UTRN: variants seen among roughly 807,000 people sequenced by gnomAD.
UTRN encodes the protein dystrophin-related protein 1.
Under a neutral mutation model 463.9 loss-of-function variants are expected in UTRN, and 283 were observed. The observed-to-expected ratio is 0.61, with a 90% CI of 0.55 to 0.67. The LOEUF (loss-of-function observed/expected upper bound fraction) is 0.67, where lower values mean the gene tolerates loss of function less well. Ranked by LOEUF, UTRN falls within the 30% of genes least tolerant of loss-of-function variation. UTRN has a pLI of 0.00. For synonymous variants in UTRN, 1,442 were observed against 1,431.5 expected, an observed-to-expected ratio of 1.01 and a Z score of -0.17; for missense variants, 3,922 against 4,084.3, an observed-to-expected ratio of 0.96 and a Z score of 1.08.
chr6:144,289,524 G>T (rs1804021368), intron 1 of UTRN, among the ~76,000 whole-genome samples: 1 of 152,042 alleles, frequency 6.6e-6, no homozygotes, highest in Non-Finnish European at 1.5e-5. Context: ...GTCTCACCAT[G>T]TTGCCTAGGC....
intron 2 of UTRN, among the ~76,000 whole-genome samples, chr6:144,398,914 T>C (rs1470315918): frequency 1.3e-5 from 2 of 152,230 alleles, no homozygotes; most frequent in Non-Finnish European, 2.9e-5. Context: ...TGAAACTCTG[T>C]TTTAAATGCG....
chr6:144,743,154 A>G (rs11970511), intron 54 of UTRN, among the ~76,000 whole-genome samples: 4,911 of 152,344 alleles, frequency 0.032, 264 homozygotes, highest in African/African-American at 0.11. Flanking sequence ...TATACTGAGG[A>G]CATACCAATC....
intron 51 of UTRN, among the ~76,000 whole-genome samples, chr6:144,639,826 A>G (rs1006339617): frequency 6.6e-6 from 1 of 152,160 alleles, no homozygotes; most frequent in African/African-American, 2.4e-5. Context: ...GAGGGGCATT[A>G]ACAAAGCTTT....
intron 51 of UTRN, among the ~76,000 whole-genome samples, chr6:144,594,794 A>G (rs1475949590): frequency 1.3e-5 from 2 of 152,106 alleles, no homozygotes; most frequent in African/African-American, 2.4e-5. Flanking sequence ...TTCCCACCGC[A>G]CTGCCCCAGC....
intron 51 of UTRN, among the ~76,000 whole-genome samples, chr6:144,622,455 G>T (rs1775524296): frequency 6.6e-6 from 1 of 151,890 alleles, no homozygotes; most frequent in Non-Finnish European, 1.5e-5. Context: ...CTGAAGTGCT[G>T]GGATTACAGG....
chr6:144,448,743 C>T lies in UTRN; in HGVS notation c.2046C>T (p.Ile682=), dbSNP rs756378545. 1.9e-6 allele frequency: 3 copies of T among 1,613,666 alleles called. No individual in the cohort carries two copies. In the South Asian group the frequency reaches 3.3e-5, roughly 18 times the overall value. ...PPPPPPKKRQ[I]HVDIEAKKKF... is the part of the protein sequence containing the mutation. ...CTCCTCCCCCAAAGAAGAGACAGATCCATGTGGATATTGAAGCTAAGAAAA... is the reference window on the plus strand; with the variant it reads ...CTCCTCCCCCAAAGAAGAGACAGATTCATGTGGATATTGAAGCTAAGAAAA... Residue 682 remains isoleucine, a synonymous_variant, in exon 17 of 75, where the codon ATC becomes ATT. Coordinates refer to ENST00000367545, the MANE Select transcript of UTRN (RefSeq NM_007124.3).
chr6:144,430,288 G>T (rs997850589), intron 9 of UTRN, among the ~76,000 whole-genome samples: 20 of 152,052 alleles, frequency 1.3e-4, no homozygotes, highest in African/African-American at 4.6e-4. Context: ...GGATATAAAT[G>T]AATTTTTAAA....
chr6:144,805,577 C>T (rs1043152319), intron 65 of UTRN, among the ~76,000 whole-genome samples: 3 of 152,130 alleles, frequency 2.0e-5, no homozygotes, highest in Non-Finnish European at 2.9e-5. Context: ...CCCCAAGGGG[C>T]GCATGGAAAG....
intron 65 of UTRN, among the ~76,000 whole-genome samples, chr6:144,819,910 T>TCCTCCTCCTCCC (rs1562949034): frequency 1.3e-5 from 1 of 79,876 alleles, no homozygotes; most frequent in Non-Finnish European, 2.3e-5. Flanking sequence ...CTCCTCCTCC[T>TCCTCCTCCTCCC]CCTCTCTCTC....
chr6:144,805,525 A>G (rs1375688841), intron 65 of UTRN, among the ~76,000 whole-genome samples: 1 of 152,162 alleles, frequency 6.6e-6, no homozygotes, highest in East Asian at 1.9e-4. Context: ...CTGAGTTGGG[A>G]AAAAGGTTAG....
At chr6:144,710,248 A>G (rs1785536305) in intron 53 of UTRN, among the ~76,000 whole-genome samples, 1 of 152,238 alleles carries the variant, frequency 6.6e-6, no homozygotes, top group African/African-American at 2.4e-5. Context: ...TATAAAAAAC[A>G]GAAAACCAAA....
Position 144,732,241 on chromosome 6 carries a change from T to TATATATATATATATATATACAC in UTRN, c.7939+1772_7939+1773insTACACATATATATATATATATA, listed in dbSNP as rs1562832431. The stretch of plus-strand genomic sequence containing the variant: ...ATATATATATATATATATATATACA[T>TATATATATATATATATATACAC]ATATATATATATATATACACACATA... On this transcript the variant is annotated intron_variant, in intron 54 of 74. Transcript: ENST00000367545. Among the ~76,000 whole-genome samples the TATATATATATATATATATACAC allele has an allele frequency of 1.3e-4, 3 of 23,906 alleles. No homozygotes were observed. In the South Asian group the frequency reaches 2.9e-3, roughly 23 times the overall value. The allele number at this position is 23,906 out of a possible 152,430, so 15.7% of individuals were successfully genotyped here.
chr6:144,596,662 T>C (rs1803675721), intron 51 of UTRN, among the ~76,000 whole-genome samples: 1 of 152,230 alleles, frequency 6.6e-6, no homozygotes, highest in African/African-American at 2.4e-5. Context: ...TAATGAAATG[T>C]ATCTCTTTAG....
intron 52 of UTRN, among the ~76,000 whole-genome samples, chr6:144,691,351 A>G (rs755189913): frequency 2.6e-5 from 4 of 152,214 alleles, no homozygotes; most frequent in Non-Finnish European, 5.9e-5. Context: ...TCCTGGCCTC[A>G]AGTGATCCAC....
At chr6:144,529,200 G>T (rs1796826954) in intron 41 of UTRN, among the ~76,000 whole-genome samples, 1 of 152,192 alleles carries the variant, frequency 6.6e-6, no homozygotes, top group African/African-American at 2.4e-5. Flanking sequence ...AACAGCATTG[G>T]GTTTATTTCC....
chr6:144,421,930 A>G lies in UTRN; in HGVS notation c.194A>G (p.Lys65Arg), dbSNP rs1784868736. 1.2e-6 allele frequency: 2 copies of G among 1,613,042 alleles called. No homozygotes were observed. Among genetic ancestry groups the G allele is most frequent in the East Asian group, 4.5e-5 (2 of 44,740 alleles). Residue 65 changes from lysine (K) to arginine (R), a missense_variant, in exon 4 of 75, where the codon AAG (lysine) becomes AGG (arginine). Physicochemically the swap from Lys to Arg is conservative, Grantham distance 26. Coordinates refer to ENST00000367545, the MANE Select transcript of UTRN (RefSeq NM_007124.3). ...TTCACAGACCTCAAAGATGGAAGGAAGCTATTGGATCTTCTAGAAGGCCTC... is the reference window on the plus strand; with the variant it reads ...TTCACAGACCTCAAAGATGGAAGGAGGCTATTGGATCTTCTAGAAGGCCTC... Reference protein sequence around the residue: ...DMFTDLKDGRKLLDLLEGLTG... With the variant: ...DMFTDLKDGRRLLDLLEGLTG...
intron 2 of UTRN, among the ~76,000 whole-genome samples, chr6:144,386,172 A>G (rs1045113341): frequency 6.6e-6 from 1 of 152,160 alleles, no homozygotes; most frequent in South Asian, 2.1e-4. Context: ...TAAAAAATTC[A>G]TTAGTAAGGC....
intron 2 of UTRN, among the ~76,000 whole-genome samples, chr6:144,295,722 A>C (rs780914356): frequency 6.6e-6 from 1 of 152,210 alleles, no homozygotes; most frequent in Admixed American, 6.5e-5. Flanking sequence ...GCTGCTGCTG[A>C]TGATGACGAT....
In UTRN at chr6:144,804,427, G is replaced by A. The variant is rs548153664; in HGVS notation, c.9357+1280G>A. On this transcript the variant is annotated intron_variant, in intron 65 of 74. Coordinates refer to ENST00000367545, the MANE Select transcript of UTRN (RefSeq NM_007124.3). Reference sequence around the variant, plus strand: ...ATATTGAACATTTTGCAGGTGTCAGGCCCTCTTGTCAAAGATAAGCAAAAC... The same window carrying A: ...ATATTGAACATTTTGCAGGTGTCAGACCCTCTTGTCAAAGATAAGCAAAAC... 1.4e-3 allele frequency among the ~76,000 whole-genome samples: 217 copies of A among 152,220 alleles called. 1 individual carries two copies. Among genetic ancestry groups the A allele is most frequent in the African/African-American group, 5.0e-3 (207 of 41,538 alleles).
Sources: gnomAD v4.1 joint callset for allele counts (sites outside exome capture counted in the v4.1 genomes callset) on GRCh38, gnomAD v4.1.1 for gene constraint, MANE v1.5 for transcripts, NCBI Gene and HGNC (gene_info 2026-07-23, HGNC 2026-07-21) for gene names.